The following LAMA1 variants were observed in gnomAD, a reference collection of about 807,000 sequenced individuals.
LAMA1 encodes the protein laminin subunit alpha-1.
LAMA1 carries 219 observed loss-of-function variants against 348.7 expected under a neutral mutation model. The observed-to-expected ratio is 0.63, with a 90% confidence interval of 0.56 to 0.70. The LOEUF (loss-of-function observed/expected upper bound fraction) is 0.70, where lower values mean the gene tolerates loss of function less well. Ranked by LOEUF, LAMA1 falls within the 30% of genes least tolerant of loss-of-function variation. The probability of loss-of-function intolerance (pLI) is 0.00; values close to 1 mark genes in which losing one functional copy is unlikely to be tolerated. For missense variants in LAMA1, 3,744 were observed against 3,888.0 expected (o/e 0.96, Z 0.99); for synonymous variants, 1,487 against 1,491.0 (o/e 1.00, Z 0.06).
At chr18:7,099,476 A>G (rs1227601746) in intron 1 of LAMA1, among the ~76,000 whole-genome samples, 12 of 143,586 alleles carry the variant, frequency 8.4e-5, no homozygotes, top group African/African-American at 3.0e-4. Context: ...AAAAATAAAT[A>G]AATTTAAAAA....
At chr18:7,042,447 G>A (rs1176232116) in intron 8 of LAMA1, 197 bp from the exon 9 acceptor site, 1 of 567,188 alleles carries the variant, frequency 1.8e-6, no homozygotes, top group Non-Finnish European at 3.2e-6. Context: ...GATGGTGGCA[G>A]TAGTTAGTAC....
At chr18:7,069,600 A>G (rs779005925) in intron 3 of LAMA1, among the ~76,000 whole-genome samples, 2 of 138,260 alleles carry the variant, frequency 1.4e-5, no homozygotes, top group African/African-American at 3.5e-5. Context: ...ACCAGGTCTA[A>G]GAGGGGACAC....
intron 45 of LAMA1, 134 bp from the exon 46 acceptor site, chr18:6,975,170 A>C: frequency 4.5e-6 from 5 of 1,117,340 alleles, no homozygotes; most frequent in Non-Finnish European, 6.2e-6. Flanking sequence ...CAAACCCCCC[A>C]AATCTATTTT....
intron 3 of LAMA1, among the ~76,000 whole-genome samples, chr18:7,073,104 C>T (rs1208801514): frequency 1.3e-5 from 2 of 152,174 alleles, no homozygotes; most frequent in Non-Finnish European, 2.9e-5. Context: ...TACCTTCCTG[C>T]TCCCTCTCCC....
chr18:7,106,405 G>T (rs1318671104), intron 1 of LAMA1, among the ~76,000 whole-genome samples: 1 of 151,288 alleles, frequency 6.6e-6, no homozygotes, highest in Non-Finnish European at 1.5e-5. Context: ...CTGTCGCCAG[G>T]CTGGAGTGCA....
chr18:7,108,808 T>C (rs1411076250), intron 1 of LAMA1, among the ~76,000 whole-genome samples: 1 of 151,330 alleles, frequency 6.6e-6, no homozygotes, highest in African/African-American at 2.4e-5. Context: ...TTGCAAAGAG[T>C]TGGAAAAACT....
chr18:6,994,692 CACACACAT>C (rs898304946), intron 34 of LAMA1, among the ~76,000 whole-genome samples: 5 of 138,846 alleles, frequency 3.6e-5, no homozygotes, highest in African/African-American at 1.0e-4. Flanking sequence ...CACACACACA[CACACACAT>C]ACAAAATTCA....
intron 3 of LAMA1, among the ~76,000 whole-genome samples, chr18:7,062,911 TC>T (rs1432187409): frequency 6.6e-6 from 1 of 152,164 alleles, no homozygotes; most frequent in Non-Finnish European, 1.5e-5. Flanking sequence ...ACAGCTTGCA[TC>T]CCTTCTTCGC....
At chr18:7,101,725 T>C (rs1394698730) in intron 1 of LAMA1, among the ~76,000 whole-genome samples, 2 of 152,178 alleles carry the variant, frequency 1.3e-5, no homozygotes, top group Non-Finnish European at 2.9e-5. Flanking sequence ...TAGAATATAG[T>C]GGTGCAATCA....
At chr18:6,999,287 C>T (rs957702962) in intron 32 of LAMA1, among the ~76,000 whole-genome samples, 158 bp downstream of exon 32, 1 of 152,148 alleles carries the variant, frequency 6.6e-6, no homozygotes, top group African/African-American at 2.4e-5. Flanking sequence ...AGGTTCAGTT[C>T]AGCAGATGCA....
chr18:6,968,978 CTT>C (rs930838653), intron 48 of LAMA1, among the ~76,000 whole-genome samples: 11 of 152,152 alleles, frequency 7.2e-5, no homozygotes, highest in African/African-American at 2.7e-4. Flanking sequence ...GGTATTAACT[CTT>C]TGAACTAAAG....
Position 7,013,716 on chromosome 18 carries a change from A to G in LAMA1, c.3363+99T>C, listed in dbSNP as rs1408997859. ...GAAGGGAGTGTGAACTCACTAGGAA[A>G]AGCATCCAAAACCTGGCTGCTTAGG... is the stretch of plus-strand genomic sequence containing the variant. On this transcript the variant is annotated intron_variant, in intron 23 of 62. Coordinates refer to ENST00000389658, the MANE Select transcript of LAMA1 (RefSeq NM_005559.4). 4 of 1,115,560 alleles carry G rather than the reference A, an allele frequency of 3.6e-6. No homozygotes were observed. The African/African-American group carries it at 6.2e-5, about 17-fold the overall frequency. The allele number at this position is 1,115,560 out of a possible 1,614,324, so 69.1% of individuals were successfully genotyped here. A position where few individuals can be genotyped will look rare whatever the true frequency, so the allele number is the denominator to read the frequency against.
intron 48 of LAMA1, among the ~76,000 whole-genome samples, chr18:6,970,005 C>T (rs1461887440): frequency 6.6e-6 from 1 of 152,112 alleles, no homozygotes; most frequent in Non-Finnish European, 1.5e-5. Context: ...TTTCTGTTAA[C>T]CATTTTTCTT....
intron 3 of LAMA1, among the ~76,000 whole-genome samples, chr18:7,075,946 A>C (rs1374664049): frequency 2.0e-5 from 3 of 152,174 alleles, no homozygotes; most frequent in Admixed American, 6.5e-5. Context: ...AAAAAAAAAA[A>C]AAAAGTACTG....
At chr18:7,000,672 A>G (rs1225643936) in intron 30 of LAMA1, among the ~76,000 whole-genome samples, 1 of 152,136 alleles carries the variant, frequency 6.6e-6, no homozygotes, top group Non-Finnish European at 1.5e-5. Flanking sequence ...GTTTTAAATT[A>G]CCAATGTGCC....
intron 22 of LAMA1, among the ~76,000 whole-genome samples, chr18:7,014,498 T>G (rs1368988920): frequency 6.6e-6 from 1 of 152,054 alleles, no homozygotes; most frequent in Non-Finnish European, 1.5e-5. Flanking sequence ...AGCACATGCC[T>G]GTAGTCCCAG....
chr18:7,038,824 A>G lies in LAMA1; in HGVS notation c.1549T>C (p.Trp517Arg). Residue 517 changes from tryptophan to arginine, a missense_variant, in exon 11 of 63, where the codon TGG becomes CGG. Transcript: ENST00000389658. ...GVSDVCSSLS[W>R]PVGQVNSMSG... ...GCGCCTCCCACCTGACCAACAGGCC[A>G]AGAGAGGCTGCTGCAGACATCAGAA... 8 of 1,614,210 alleles carry G rather than the reference A, an allele frequency of 5.0e-6. No homozygotes were observed. The highest frequency in any genetic ancestry group is 6.8e-6 in the Non-Finnish European group (8 of 1,180,038).
chr18:6,966,414 T>G, intron 48 of LAMA1, 117 bp from the exon 49 acceptor site: 2 of 852,794 alleles, frequency 2.3e-6, no homozygotes, highest in Non-Finnish European at 3.9e-6. Context: ...TTCCATACTT[T>G]CATAACAAGT....
At chr18:7,058,030 C>G (rs1215393922) in intron 3 of LAMA1, among the ~76,000 whole-genome samples, 2 of 151,704 alleles carry the variant, frequency 1.3e-5, no homozygotes, top group Non-Finnish European at 2.9e-5. Flanking sequence ...TCTTGAACTC[C>G]TGACCTTGTG....
Sources: gnomAD v4.1 joint callset for allele counts (sites outside exome capture counted in the v4.1 genomes callset) on GRCh38, gnomAD v4.1.1 for gene constraint, MANE v1.5 for transcripts, NCBI Gene and HGNC (gene_info 2026-07-23, HGNC 2026-07-21) for gene names.